BCL9L: variants seen among roughly 807,000 people sequenced by gnomAD.
BCL9L encodes B-cell CLL/lymphoma 9-like protein.
A neutral mutation model predicts 99.4 loss-of-function variants in BCL9L; 19 were observed. The ratio of observed to expected loss-of-function variants is 0.19; its 90% CI spans 0.13 to 0.28. The LOEUF (loss-of-function observed/expected upper bound fraction) is 0.28, where lower values mean the gene tolerates loss of function less well. BCL9L is among the 10% of genes least tolerant of loss of function. The probability of loss-of-function intolerance (pLI) is 1.00; values close to 1 mark genes in which losing one functional copy is unlikely to be tolerated. For missense variants in BCL9L, 2,023 were observed against 2,101.6 expected, an observed-to-expected ratio of 0.96 and a Z score of 0.73; for synonymous variants, 900 against 854.8, an observed-to-expected ratio of 1.05 and a Z score of -0.92.
chr11:118,904,604 G>A (rs1368867390), intron 5 of BCL9L, among the ~76,000 whole-genome samples: 3 of 152,148 alleles, frequency 2.0e-5, no homozygotes, highest in Non-Finnish European at 2.9e-5. Flanking sequence ...AATCTACAAC[G>A]GGTCTAGGTG....
chr11:118,902,955 C>T lies in BCL9L; in HGVS notation c.834+35G>A, dbSNP rs747904835. ...ATGAGACAGGTAAGGGGACGTTCCA[C>T]CCAGTCCTGCTGCTCACAGAGGCGC... On this transcript the variant is annotated intron_variant, in intron 7 of 9. Coordinates refer to ENST00000683865, the MANE Select transcript of BCL9L (RefSeq NM_001378213.1). The surrounding 1 kb of genome is among the most constrained non-coding windows in gnomAD (Gnocchi z 7.8). 33 of 1,595,118 alleles carry T rather than the reference C, an allele frequency of 2.1e-5. 2 individuals carry two copies. In the South Asian group the frequency reaches 3.3e-4, roughly 16 times the overall value.
In BCL9L at chr11:118,901,382, C is replaced by A; in HGVS notation, c.2361G>T (p.Gln787His). ...TCAGCATCTGCTGCTGCGGGGTCAT[C>A]TGCACGTTCAGGTTCATGTTCATGT... Reference protein sequence around the residue: ...NMNMNMNLNVQMTPQQQMLMS... With the variant: ...NMNMNMNLNVHMTPQQQMLMS... Residue 787 changes from glutamine to histidine, a missense_variant, in exon 8 of 10, where the codon CAG becomes CAT. This residue lies in a region of BCL9L where 1,116 missense variants were observed against 1,194.6 expected (regional missense o/e 0.93). Coordinates refer to ENST00000683865, the MANE Select transcript of BCL9L (RefSeq NM_001378213.1). This position sits in a 1 kb window ranked among gnomAD's most constrained non-coding sequence, Gnocchi z 6.6. 7 of 1,613,978 alleles carry A rather than the reference C, an allele frequency of 4.3e-6. No individual in the cohort carries two copies. Among genetic ancestry groups the A allele is most frequent in the Non-Finnish European group, 5.9e-6 (7 of 1,179,988 alleles).
rs566571676 is a variant in BCL9L at position 118,899,381 on chromosome 11, G to C, written c.3534C>G (p.Pro1178=). The C allele has an allele frequency of 5.1e-6, 8 of 1,583,960 alleles. No homozygotes were observed. The highest frequency in any genetic ancestry group is 6.9e-6 in the Non-Finnish European group (8 of 1,166,042). Residue 1178 remains proline, a synonymous_variant, in exon 10 of 10, where the codon CCC becomes CCG. Coordinates refer to ENST00000683865, the MANE Select transcript of BCL9L (RefSeq NM_001378213.1). ...GTGGAATGTTGGAGCCCAGAGGGGT[G>C]GGGGAGGGCAGCATGGCGGGCGGGG... The part of the protein sequence containing the change: ...HEPPPAMLPS[P]TPLGSNIPLH...
chr11:118,922,472 G>A lies in BCL9L; in HGVS notation c.-131+2766C>T, dbSNP rs1168681267. On this transcript the variant is annotated intron_variant, in intron 1 of 9. Coordinates refer to ENST00000683865, the MANE Select transcript of BCL9L (RefSeq NM_001378213.1). This position sits in a 1 kb window ranked among gnomAD's most constrained non-coding sequence, Gnocchi z 6.2. ...CAGTTCCCTGAGGGCAGCCCCCACG[G>A]TGTGTTTGTGGGTGGGCAGCTGTCG... Among the ~76,000 whole-genome samples, 4 of 152,212 alleles carry A rather than the reference G, an allele frequency of 2.6e-5. No homozygotes were observed. Among genetic ancestry groups the A allele is most frequent in the Non-Finnish European group, 5.9e-5 (4 of 68,024 alleles).
Position 118,900,222 on chromosome 11 carries a change from G to C in BCL9L, c.3125-24C>G. On this transcript the variant is annotated intron_variant, in intron 8 of 9. Coordinates refer to ENST00000683865, the MANE Select transcript of BCL9L (RefSeq NM_001378213.1). This position sits in a 1 kb window ranked among gnomAD's most constrained non-coding sequence, Gnocchi z 5.3. ...ACCTACAGAAACGGGGAGACAAAGA[G>C]AGCAGGGGTGACTGGGGAGGGGCAG... 2 of 1,561,290 alleles carry C rather than the reference G, an allele frequency of 1.3e-6. No homozygotes were observed. Among genetic ancestry groups the C allele is most frequent in the South Asian group, 2.4e-5 (2 of 83,390 alleles).
chr11:118,899,557 G>A, intron 9 of BCL9L, 49 bp from the exon 10 acceptor site: 1 of 1,589,816 alleles, frequency 6.3e-7, no homozygotes, highest in Non-Finnish European at 8.5e-7. Flanking sequence ...CCCAGCTCGG[G>A]GAGGGTGCAG....
intron 2 of BCL9L, 51 bp downstream of exon 2, chr11:118,918,775 C>G (rs980878859): frequency 1.3e-5 from 2 of 152,110 alleles, no homozygotes; most frequent in African/African-American, 4.8e-5. Context: ...CCGCCGCGGA[C>G]AGAAATCAGG....
In BCL9L at chr11:118,899,042, G is replaced by A. The variant is rs141872454; in HGVS notation, c.3873C>T (p.Asp1291=). The A allele has an allele frequency of 1.1e-4, 184 of 1,613,174 alleles. No homozygotes were observed. The highest frequency in any genetic ancestry group is 1.4e-4 in the Non-Finnish European group (164 of 1,179,812). ...CAGGGAGCACACCCGGTGGGTATGC[G>A]TCGCCCATGCGCCCAGCCATGGCTT... ...MGKAMAGRMG[D]AYPPGVLPGV... is the part of the protein sequence containing the mutation. Residue 1291 remains aspartate, a synonymous_variant, in exon 10 of 10, where the codon GAC becomes GAT. Coordinates refer to ENST00000683865, the MANE Select transcript of BCL9L (RefSeq NM_001378213.1).
chr11:118,921,294 G>A lies in BCL9L; in HGVS notation c.-130-2415C>T, dbSNP rs1389915387. 6.6e-6 allele frequency among the ~76,000 whole-genome samples: 1 copy of A among 152,156 alleles called. No homozygotes were observed. Among genetic ancestry groups the A allele is most frequent in the Non-Finnish European group, 1.5e-5 (1 of 68,024 alleles). On this transcript the variant is annotated intron_variant, in intron 1 of 9. Coordinates refer to ENST00000683865, the MANE Select transcript of BCL9L (RefSeq NM_001378213.1). This position sits in a 1 kb window ranked among gnomAD's most constrained non-coding sequence, Gnocchi z 5.4. ...CAAACTTATACACACACACAAAGTA[G>A]TACGCAGCCATGTGCTAGCACACAA...
intron 3 of BCL9L, 91 bp downstream of exon 3, chr11:118,909,823 T>C (rs1940704138): frequency 6.3e-7 from 1 of 1,598,808 alleles, no homozygotes; most frequent in East Asian, 2.3e-5. Context: ...GCTCCTCTCC[T>C]GGCCAGCACA....
chr11:118,917,810 T>C (rs867156000), intron 2 of BCL9L, among the ~76,000 whole-genome samples: 5 of 151,872 alleles, frequency 3.3e-5, no homozygotes, highest in Non-Finnish European at 7.4e-5. Context: ...TCCTCACCCA[T>C]CCTTGTCCCT....
chr11:118,896,358 G>A lies in BCL9L; in HGVS notation c.*2057C>T, dbSNP rs1390454384. 6.5e-6 allele frequency: 1 copy of A among 152,832 alleles called. No individual in the cohort carries two copies. Among genetic ancestry groups the A allele is most frequent in the East Asian group, 1.9e-4 (1 of 5,190 alleles). 9.5% of individuals were successfully genotyped at this position (152,832 alleles called of 1,614,324 possible). A position where few individuals can be genotyped will look rare whatever the true frequency, so the allele number is the denominator to read the frequency against. Reference sequence around the variant, plus strand: ...CATGGATGGAGGGAAGAGTAGGCTGGCCTGTGGCGTGGGTGGGAGGAGAGG... The same window carrying A: ...CATGGATGGAGGGAAGAGTAGGCTGACCTGTGGCGTGGGTGGGAGGAGAGG... On this transcript the variant is annotated 3_prime_UTR_variant, in exon 10 of 10. Coordinates refer to ENST00000683865, the MANE Select transcript of BCL9L (RefSeq NM_001378213.1).
rs747157002 is a variant in BCL9L at position 118,902,107 on chromosome 11, G to A, written c.1636C>T (p.Leu546=). The part of the protein sequence containing the change: ...EQIGLHGSRP[L]QDMMGMGGMM... ...CCCCCCATGCCCATCATGTCCTGCA[G>A]AGGACGGCTCCCATGCAGCCCAATC... The change falls in exon 8 of 10, where the codon CTG becomes TTG. Residue 546 remains leucine, a synonymous_variant. Coordinates refer to ENST00000683865, the MANE Select transcript of BCL9L (RefSeq NM_001378213.1). The surrounding 1 kb of genome is among the most constrained non-coding windows in gnomAD (Gnocchi z 7.8). 15 of 1,614,100 alleles carry A rather than the reference G, an allele frequency of 9.3e-6. No individual in the cohort carries two copies. Among genetic ancestry groups the A allele is most frequent in the Non-Finnish European group, 1.3e-5 (15 of 1,180,000 alleles).
At chr11:118,907,350 G>C in intron 5 of BCL9L, 133 bp downstream of exon 5, 1 of 1,454,182 alleles carries the variant, frequency 6.9e-7, no homozygotes, top group East Asian at 2.3e-5. Context: ...GGGAGGGACA[G>C]AGTCTGAGAG....
chr11:118,903,094 C>G lies in BCL9L; in HGVS notation c.750-20G>C. The G allele has an allele frequency of 6.4e-7, 1 of 1,561,692 alleles. No homozygotes were observed. Among genetic ancestry groups the G allele is most frequent in the South Asian group, 1.2e-5 (1 of 85,604 alleles). On this transcript the variant is annotated intron_variant, in intron 6 of 9. Coordinates refer to ENST00000683865, the MANE Select transcript of BCL9L (RefSeq NM_001378213.1). The surrounding 1 kb of genome is among the most constrained non-coding windows in gnomAD (Gnocchi z 5.6). Reference sequence around the variant, plus strand: ...GCAGCCCTGCACAGAGTGGGGGCACCGACAGCTCAGAGAGGTGAGCAGGAG... The same window carrying G: ...GCAGCCCTGCACAGAGTGGGGGCACGGACAGCTCAGAGAGGTGAGCAGGAG...
rs1429267398 is a variant in BCL9L at position 118,898,015 on chromosome 11, A to G, written c.*400T>C. The G allele has an allele frequency of 7.3e-6, 3 of 411,396 alleles. No individual in the cohort carries two copies. The highest frequency in any genetic ancestry group is 3.2e-5 in the Admixed American group (1 of 30,788). 25.5% of individuals were successfully genotyped at this position (411,396 alleles called of 1,614,324 possible). The stretch of plus-strand genomic sequence containing the variant: ...AGCAATGCGGACACGAGGAGACAGG[A>G]GCAGAAGGGGCTGGGGGAGACCTGA... On this transcript the variant is annotated 3_prime_UTR_variant, in exon 10 of 10. Coordinates refer to ENST00000683865, the MANE Select transcript of BCL9L (RefSeq NM_001378213.1).
chr11:118,915,149 T>G (rs1394084441), intron 2 of BCL9L, among the ~76,000 whole-genome samples: 1 of 151,872 alleles, frequency 6.6e-6, no homozygotes, highest in Non-Finnish European at 1.5e-5. Flanking sequence ...AAAACCAAGT[T>G]TGTAGTCAGA....
At position 118,898,140 on chromosome 11, in the gene BCL9L, A is replaced by G. The variant is rs1386566402; in HGVS notation, c.*275T>C. On this transcript the variant is annotated 3_prime_UTR_variant, in exon 10 of 10. Coordinates refer to ENST00000683865, the MANE Select transcript of BCL9L (RefSeq NM_001378213.1). ...AGGGATGCACGGAAAGAGGTAAAAT[A>G]GAGAGGCTCCATAGGAATTGGGAGG... 1.7e-6 allele frequency: 1 copy of G among 571,432 alleles called. No individual in the cohort carries two copies. Among genetic ancestry groups the G allele is most frequent in the African/African-American group, 1.9e-5 (1 of 53,186 alleles). 35.4% of individuals were successfully genotyped at this position (571,432 alleles called of 1,614,324 possible). A position where few individuals can be genotyped will look rare whatever the true frequency, so the allele number is the denominator to read the frequency against.
At chr11:118,915,594 G>A (rs1188652632) in intron 2 of BCL9L, among the ~76,000 whole-genome samples, 3 of 152,108 alleles carry the variant, frequency 2.0e-5, no homozygotes, top group Non-Finnish European at 2.9e-5. Flanking sequence ...AGAGGGGCTG[G>A]GTGGCTGTCC....
Sources: allele counts gnomAD v4.1 joint callset (sites outside exome capture counted in the v4.1 genomes callset), GRCh38; gene constraint gnomAD v4.1.1; regional missense constraint gnomAD v4.1.1; non-coding constraint Gnocchi (gnomAD v3.1); transcripts MANE v1.5; gene names NCBI Gene and HGNC (gene_info 2026-07-23, HGNC 2026-07-21).